The following PSEN2 variants were observed in gnomAD, a reference collection of about 807,000 sequenced individuals.
PSEN2 encodes the protein presenilin-2.
Under a neutral mutation model 49.1 loss-of-function variants are expected in PSEN2, and 32 were observed. The observed-to-expected ratio is 0.65, with a 90% CI of 0.49 to 0.88. The LOEUF is 0.88. PSEN2 is among the 40% of genes least tolerant of loss of function. The pLI is 0.00. For missense variants in PSEN2, 522 were observed against 586.9 expected, an observed-to-expected ratio of 0.89 and a Z score of 1.14; for synonymous variants, 255 against 244.0, an observed-to-expected ratio of 1.05 and a Z score of -0.42.
intron 12 of PSEN2, 83 bp from the exon 13 acceptor site, chr1:226,895,341 T>C (rs2102698260): frequency 6.5e-7 from 1 of 1,533,294 alleles, no homozygotes; most frequent in Admixed American, 1.7e-5. Context: ...AACAAGCTCC[T>C]GTGCCCAGGG....
In PSEN2 at chr1:226,895,822, A is replaced by G. The variant is rs1662113818; in HGVS notation, c.*243A>G. On this transcript the variant is annotated 3_prime_UTR_variant, in exon 13 of 13. Coordinates refer to ENST00000366783, the MANE Select transcript of PSEN2 (RefSeq NM_000447.3). Reference sequence around the variant, plus strand: ...GACAGGAAGCACAGCAGGTTTATCCAGATGAACTGAGAAGGTCAGATTAGG... The same window carrying G: ...GACAGGAAGCACAGCAGGTTTATCCGGATGAACTGAGAAGGTCAGATTAGG... 1 of 565,258 alleles carries G rather than the reference A, an allele frequency of 1.8e-6. No individual in the cohort carries two copies. 35.0% of individuals were successfully genotyped at this position (565,258 alleles called of 1,614,324 possible).
At chr1:226,875,920 A>G (rs1335153375) in intron 3 of PSEN2, among the ~76,000 whole-genome samples, 2 of 152,220 alleles carry the variant, frequency 1.3e-5, no homozygotes, top group East Asian at 1.9e-4. Flanking sequence ...CAAAGCAGCT[A>G]TCAGCCTCAG....
rs566361436 is a variant in PSEN2 at position 226,885,563 on chromosome 1, A to G, written c.382A>G (p.Thr128Ala). The G allele has an allele frequency of 4.3e-6, 7 of 1,613,874 alleles. No homozygotes were observed. The East Asian group carries it at 1.3e-4, about 31-fold the overall frequency. Residue 128 changes from threonine (T) to alanine (A), a missense_variant, in exon 6 of 13, where the codon ACA becomes GCA. By Grantham distance (58) the Thr-to-Ala change is moderately conservative. Transcript: ENST00000366783. ...CATCTACACGCCATTCACTGAGGACACACCCTCGGTGGGCCAGCGCCTCCT... is the reference window on the plus strand; with the variant it reads ...CATCTACACGCCATTCACTGAGGACGCACCCTCGGTGGGCCAGCGCCTCCT... Reference protein sequence around the residue: ...QLIYTPFTEDTPSVGQRLLNS... With the variant: ...QLIYTPFTEDAPSVGQRLLNS...
chr1:226,886,214 C>T (rs1365489459), intron 6 of PSEN2, among the ~76,000 whole-genome samples: 1 of 152,192 alleles, frequency 6.6e-6, no homozygotes, highest in Non-Finnish European at 1.5e-5. Context: ...TTCCTCATTG[C>T]AGTGTTCCAA....
intron 8 of PSEN2, 37 bp from the exon 9 acceptor site, chr1:226,889,998 C>G (rs201666805): frequency 2.6e-6 from 4 of 1,550,210 alleles, no homozygotes; most frequent in African/African-American, 2.7e-5. Context: ...GGGGGCTGCC[C>G]GGGGATAGTT....
downstream of PSEN2, among the ~76,000 whole-genome samples, chr1:226,897,019 T>C (rs1306678904): frequency 6.6e-6 from 1 of 151,902 alleles, no homozygotes; most frequent in Non-Finnish European, 1.5e-5. Context: ...CAGAGGAAAA[T>C]GTGGTGCCCT....
intron 4 of PSEN2, among the ~76,000 whole-genome samples, chr1:226,882,333 A>G (rs1357022840): frequency 6.6e-6 from 1 of 152,176 alleles, no homozygotes; most frequent in Admixed American, 6.5e-5. Flanking sequence ...TTCCACTGTA[A>G]TAGGAGAGTT....
chr1:226,887,373 G>A (rs979124973), intron 6 of PSEN2, among the ~76,000 whole-genome samples: 4 of 152,186 alleles, frequency 2.6e-5, no homozygotes, highest in Non-Finnish European at 5.9e-5. Context: ...AGGTCCCAGT[G>A]GGCTGAGCTG....
rs199950587 is a variant in PSEN2 at position 226,890,153 on chromosome 1, C to A, written c.886+20C>A. 1.3e-6 allele frequency: 2 copies of A among 1,591,204 alleles called. No individual in the cohort carries two copies. Among genetic ancestry groups the A allele is most frequent in the East Asian group, 2.2e-5 (1 of 44,764 alleles). ...ACTCATGTGAGTGAGCCCCCCGTGC[C>A]TCTGCCTGACTCGGGGTCAGCAGGC... On this transcript the variant is annotated intron_variant, in intron 9 of 12. Transcript: ENST00000366783.
At chr1:226,873,961 A>G (rs982936702) in intron 2 of PSEN2, among the ~76,000 whole-genome samples, 5 of 152,020 alleles carry the variant, frequency 3.3e-5, no homozygotes, top group Non-Finnish European at 5.9e-5. Flanking sequence ...CTTTTGCCCC[A>G]GAGAAGCAGT....
chr1:226,887,439 C>T (rs915599753), intron 6 of PSEN2, among the ~76,000 whole-genome samples: 1 of 152,104 alleles, frequency 6.6e-6, no homozygotes, highest in Admixed American at 6.5e-5. Context: ...TGTCACTGTC[C>T]CGCCGATGGC....
chr1:226,875,873 A>G (rs1477196299), intron 3 of PSEN2, among the ~76,000 whole-genome samples: 1 of 152,210 alleles, frequency 6.6e-6, no homozygotes, highest in African/African-American at 2.4e-5. Flanking sequence ...GGGAATGTGC[A>G]GTGGCTTCTT....
chr1:226,894,135 TG>T lies in PSEN2; in HGVS notation c.1191+14del. 1 of 1,609,908 alleles carries T rather than the reference TG, an allele frequency of 6.2e-7. No homozygotes were observed. Among genetic ancestry groups the T allele is most frequent in the Non-Finnish European group, 8.5e-7 (1 of 1,176,298 alleles). Reference sequence around the variant, plus strand: ...CGTGGCCATCCTCATTGTGAGTGGCTGGGGATGCGTCCAGCTGCCTCGTGGT... The same window carrying T: ...CGTGGCCATCCTCATTGTGAGTGGCTGGGATGCGTCCAGCTGCCTCGTGGT... On this transcript the variant is annotated intron_variant, in intron 12 of 12. Transcript: ENST00000366783.
intron 4 of PSEN2, among the ~76,000 whole-genome samples, chr1:226,883,133 C>T (rs529330961): frequency 6.6e-6 from 1 of 152,204 alleles, no homozygotes; most frequent in African/African-American, 2.4e-5. Context: ...CTTCCCAGAG[C>T]CTGCGTCTTC....
intron 10 of PSEN2, 62 bp downstream of exon 10, chr1:226,891,423 A>G (rs765461956): frequency 4.7e-4 from 680 of 1,437,272 alleles, no homozygotes; most frequent in Non-Finnish European, 6.0e-4. Context: ...ACCTGCACCC[A>G]GCTCTGCTCG....
Position 226,883,723 on chromosome 1 carries a change from G to C in PSEN2, c.160G>C (p.Glu54Gln). Residue 54 changes from glutamate to glutamine, a missense_variant, in exon 5 of 13, where the codon GAG becomes CAG. Coordinates refer to ENST00000366783, the MANE Select transcript of PSEN2 (RefSeq NM_000447.3). Reference protein sequence around the residue: ...TAQWRSQENEEDGEEDPDRYV... With the variant: ...TAQWRSQENEQDGEEDPDRYV... ...CCCACAGAGAAGCCAGGAGAACGAGGAGGACGGTGAGGAGGACCCTGACCG... is the reference window on the plus strand; with the variant it reads ...CCCACAGAGAAGCCAGGAGAACGAGCAGGACGGTGAGGAGGACCCTGACCG... The C allele has an allele frequency of 1.9e-6, 3 of 1,614,130 alleles. No homozygotes were observed. The South Asian group carries it at 3.3e-5, about 18-fold the overall frequency.
Position 226,894,010 on chromosome 1 carries a change from G to A in PSEN2, c.1076G>A (p.Gly359Asp), listed in dbSNP as rs779522932. The A allele has an allele frequency of 6.2e-7, 1 of 1,613,300 alleles. No homozygotes were observed. Among genetic ancestry groups the A allele is most frequent in the Non-Finnish European group, 8.5e-7 (1 of 1,179,180 alleles). ...GEELEEEEER[G>D]VKLGLGDFIF... Reference sequence around the variant, plus strand: ...GTTACTGTCTCTCCTCACACAGGGGGCGTGAAGCTTGGCCTCGGGGACTTC... The same window carrying A: ...GTTACTGTCTCTCCTCACACAGGGGACGTGAAGCTTGGCCTCGGGGACTTC... The change falls in exon 12 of 13, where the codon GGC (glycine) becomes GAC (aspartate). Residue 359 changes from glycine to aspartate, a missense_variant. Transcript: ENST00000366783.
downstream of PSEN2, among the ~76,000 whole-genome samples, chr1:226,901,254 G>A (rs1381645432): frequency 1.3e-5 from 2 of 152,030 alleles, no homozygotes; most frequent in Non-Finnish European, 2.9e-5. Flanking sequence ...TGGCCGACAT[G>A]GTGAAACTCC....
At chr1:226,877,250 A>G (rs980510137) in intron 3 of PSEN2, among the ~76,000 whole-genome samples, 7 of 152,308 alleles carry the variant, frequency 4.6e-5, no homozygotes, top group African/African-American at 1.7e-4. Flanking sequence ...CTGGGTGAGG[A>G]TGGAGCTTGG....
Sources: gnomAD v4.1 joint callset for allele counts (sites outside exome capture counted in the v4.1 genomes callset) on GRCh38, gnomAD v4.1.1 for gene constraint, MANE v1.5 for transcripts, NCBI Gene and HGNC (gene_info 2026-07-23, HGNC 2026-07-21) for gene names.